Variants in EVC2 observed in about 807,000 individuals in gnomAD.
EVC2 encodes the protein limbin.
Under a neutral mutation model 149.3 loss-of-function variants are expected in EVC2, and 148 were observed. That is an observed-to-expected ratio of 0.99 (90% CI 0.87 to 1.14). The LOEUF is 1.14. Ranked by LOEUF, EVC2 falls within the 50% of genes most tolerant of loss-of-function variation. EVC2 has a pLI of 0.00. For missense variants in EVC2, 1,854 were observed against 1,627.3 expected, an observed-to-expected ratio of 1.14 and a Z score of -2.40; for synonymous variants, 776 against 649.9, an observed-to-expected ratio of 1.19 and a Z score of -2.95.
At chr4:5,556,144 A>ACTCTAAC (rs1410106541) in intron 21 of EVC2, among the ~76,000 whole-genome samples, 4 of 131,960 alleles carry the variant, frequency 3.0e-5, no homozygotes, top group African/African-American at 1.2e-4. Context: ...GTGCCATTGC[A>ACTCTAAC]CTCTAACCCC....
At chr4:5,669,371 A>C (rs1719482903) in intron 7 of EVC2, among the ~76,000 whole-genome samples, 1 of 152,214 alleles carries the variant, frequency 6.6e-6, no homozygotes. Flanking sequence ...AGATGCAAAG[A>C]GATTAAAAAA....
At chr4:5,673,813 A>G (rs566400707) in intron 7 of EVC2, among the ~76,000 whole-genome samples, 1 of 152,340 alleles carries the variant, frequency 6.6e-6, no homozygotes, top group African/African-American at 2.4e-5. Context: ...TACTAAATAT[A>G]TTCACAGTCT....
chr4:5,668,347 C>A (rs771412841), intron 7 of EVC2, among the ~76,000 whole-genome samples: 2 of 152,200 alleles, frequency 1.3e-5, no homozygotes, highest in Admixed American at 6.5e-5. Flanking sequence ...CCACTTATAA[C>A]TCATCTTTGA....
intron 7 of EVC2, among the ~76,000 whole-genome samples, chr4:5,675,253 T>A (rs1386395903): frequency 6.6e-6 from 1 of 152,206 alleles, no homozygotes; most frequent in East Asian, 1.9e-4. Flanking sequence ...TGTACCTAAA[T>A]CCAGTTTTCT....
the EVC2 span, among the ~76,000 whole-genome samples, chr4:5,535,631 G>GAGAGAGAGAC: frequency 3.6e-3 from 546 of 150,766 alleles, 3 homozygotes; most frequent in South Asian, 0.01. The surrounding 1 kb of genome is among the most constrained non-coding windows in gnomAD (Gnocchi z 4.7). Context: ...GAGAGAGAGA[G>GAGAGAGAGAC]AGAAAGAGAT....
chr4:5,625,628 G>A lies in EVC2; in HGVS notation c.2046+121C>T. 3 of 1,310,586 alleles carry A rather than the reference G, an allele frequency of 2.3e-6. No homozygotes were observed. The highest frequency in any genetic ancestry group is 2.1e-6 in the Non-Finnish European group (2 of 930,758). The allele number at this position is 1,310,586 out of a possible 1,614,324, so 81.2% of individuals were successfully genotyped here. A position where few individuals can be genotyped will look rare whatever the true frequency, so the allele number is the denominator to read the frequency against. ...TCAACAGTAGATGGCACATCATGGT[G>A]CCTGCCCAGCTGCCCTTCTGATCCT... On this transcript the variant is annotated intron_variant, in intron 13 of 21. Coordinates refer to ENST00000344408, the MANE Select transcript of EVC2 (RefSeq NM_147127.5). The surrounding 1 kb of genome is among the most constrained non-coding windows in gnomAD (Gnocchi z 4.0).
intron 5 of EVC2, among the ~76,000 whole-genome samples, chr4:5,687,477 T>C (rs1255382785): frequency 1.3e-5 from 2 of 151,774 alleles, no homozygotes; most frequent in East Asian, 3.9e-4. Context: ...CAGAAGTCCA[T>C]GAATTCACGT....
intron 9 of EVC2, among the ~76,000 whole-genome samples, chr4:5,648,490 C>T (rs1717889541): frequency 6.6e-6 from 1 of 152,126 alleles, no homozygotes; most frequent in South Asian, 2.1e-4. Flanking sequence ...AAAGCACCTG[C>T]TAGCTAAGGG....
intron 7 of EVC2, among the ~76,000 whole-genome samples, chr4:5,668,628 AAAAT>A (rs768561084): frequency 3.3e-4 from 50 of 152,370 alleles, no homozygotes; most frequent in South Asian, 2.7e-3. Context: ...GAAACTAAAA[AAAAT>A]CTGTCTGTAA....
chr4:5,565,872 T>C (rs1722251100), intron 20 of EVC2, among the ~76,000 whole-genome samples: 1 of 152,086 alleles, frequency 6.6e-6, no homozygotes, highest in African/African-American at 2.4e-5. Context: ...GCCAAGTCTA[T>C]GGGATCACAG....
intron 9 of EVC2, among the ~76,000 whole-genome samples, chr4:5,650,628 TATATATATATAG>T (rs1330456010): frequency 0.036 from 2,753 of 76,868 alleles, 30 homozygotes; most frequent in Non-Finnish European, 0.04. Context: ...TATATATATA[TATATATATATAG>T]AGAGAGAGAG....
At chr4:5,534,937 T>TA in the EVC2 span, among the ~76,000 whole-genome samples, 19 of 151,006 alleles carry the variant, frequency 1.3e-4, no homozygotes, top group East Asian at 7.8e-4. Flanking sequence ...CAGGAGAATT[T>TA]AAAAAAAAAA....
chr4:5,600,692 C>G (rs1159520536), intron 16 of EVC2, among the ~76,000 whole-genome samples: 1 of 152,208 alleles, frequency 6.6e-6, no homozygotes, highest in Non-Finnish European at 1.5e-5. Flanking sequence ...AACTGCAGAT[C>G]TACCTTCCCA....
upstream of EVC2, chr4:5,709,294 G>A (rs1722427870): frequency 6.6e-6 from 1 of 152,336 alleles, no homozygotes; most frequent in South Asian, 2.1e-4. Context: ...ACAAAAAGGG[G>A]GACTGGTGGA....
chr4:5,630,794 G>C (rs1577181996), intron 11 of EVC2, among the ~76,000 whole-genome samples: 1 of 152,138 alleles, frequency 6.6e-6, no homozygotes, highest in Non-Finnish European at 1.5e-5. Context: ...CCTGGATGAG[G>C]CAGCCTGTCT....
In EVC2 at chr4:5,708,451, C is replaced by A; in HGVS notation, c.63G>T (p.Val21=). The A allele has an allele frequency of 6.6e-7, 1 of 1,507,150 alleles. No homozygotes were observed. Among genetic ancestry groups the A allele is most frequent in the South Asian group, 1.2e-5 (1 of 81,278 alleles). The allele number at this position is 1,507,150 out of a possible 1,614,324, so 93.4% of individuals were successfully genotyped here. ...AGCCTCGGCCCCCCAGCGCCAGGGC[C>A]ACTGCCAGGAGACCCCCGGCCAGCA... The part of the protein sequence containing the change: ...TWVLAGGLLA[V]ALALGGRGCL... Residue 21 remains valine, a synonymous_variant, in exon 1 of 22, where the codon GTG becomes GTT. Coordinates refer to ENST00000344408, the MANE Select transcript of EVC2 (RefSeq NM_147127.5).
chr4:5,697,832 A>G (rs533120293), intron 1 of EVC2, among the ~76,000 whole-genome samples, 185 bp from the exon 2 acceptor site: 2 of 148,820 alleles, frequency 1.3e-5, no homozygotes, highest in East Asian at 2.0e-4. Flanking sequence ...TACAAGCTCC[A>G]CCTCCTAGGT....
rs373492632 is a variant in EVC2 at position 5,645,338 on chromosome 4, T to C, written c.1146-4500A>G. Among the ~76,000 whole-genome samples the C allele has an allele frequency of 3.9e-5, 6 of 152,072 alleles. No individual in the cohort carries two copies. The East Asian group carries it at 1.2e-3, about 29-fold the overall frequency. On this transcript the variant is annotated intron_variant, in intron 9 of 21. Coordinates refer to ENST00000344408, the MANE Select transcript of EVC2 (RefSeq NM_147127.5). ...AAACTTGTGTCATGGGGGTTTGTTGTGCATATTATTTTGTCATGCAGGTAT... is the reference window on the plus strand; with the variant it reads ...AAACTTGTGTCATGGGGGTTTGTTGCGCATATTATTTTGTCATGCAGGTAT...
At chr4:5,566,293 C>T (rs1422185535) in intron 20 of EVC2, among the ~76,000 whole-genome samples, 2 of 152,212 alleles carry the variant, frequency 1.3e-5, no homozygotes, top group African/African-American at 4.8e-5. Context: ...TGGCGGCTCA[C>T]ACCTGCCCAG....
Sources: gnomAD v4.1 joint callset for allele counts (sites outside exome capture counted in the v4.1 genomes callset) on GRCh38, gnomAD v4.1.1 for gene constraint, Gnocchi (gnomAD v3.1) non-coding constraint, MANE v1.5 for transcripts, NCBI Gene and HGNC (gene_info 2026-07-23, HGNC 2026-07-21) for gene names.